Variants in NKAIN3 observed in about 807,000 individuals in gnomAD.
NKAIN3 encodes sodium/potassium-transporting ATPase subunit beta-1-interacting protein 3.
Under a neutral mutation model 30.2 loss-of-function variants are expected in NKAIN3, and 25 were observed. The ratio of observed to expected loss-of-function variants is 0.83; its 90% CI spans 0.60 to 1.16. The LOEUF (loss-of-function observed/expected upper bound fraction) is 1.16. NKAIN3 is among the 50% of genes most tolerant of loss of function. The pLI is 0.00. For synonymous variants in NKAIN3, 91 were observed against 89.6 expected, an observed-to-expected ratio of 1.02 and a Z score of -0.09; for missense variants, 225 against 254.1, an observed-to-expected ratio of 0.89 and a Z score of 0.78.
chr8:62,855,727 C>A, intron 4 of NKAIN3: 2 of 1,515,722 alleles, frequency 1.3e-6, no homozygotes, highest in Non-Finnish European at 1.8e-6. Flanking sequence ...CGATAGCCTT[C>A]ATCTTGTCCA....
In NKAIN3 at chr8:62,910,034, T is replaced by G. The variant is rs533985230; in HGVS notation, c.472-8419T>G. Among the ~76,000 whole-genome samples the G allele has an allele frequency of 6.6e-5, 10 of 152,260 alleles. No individual in the cohort carries two copies. In the South Asian group the frequency reaches 2.1e-3, roughly 32 times the overall value. On this transcript the variant is annotated intron_variant, in intron 4 of 6. Transcript: ENST00000623646. Reference sequence around the variant, plus strand: ...TCTTTTAAAACTGTGCATTCCTACATTTATCAGTAAGAAAATATTCACTGG... The same window carrying G: ...TCTTTTAAAACTGTGCATTCCTACAGTTATCAGTAAGAAAATATTCACTGG...
chr8:62,826,219 G>C (rs1282644888), intron 4 of NKAIN3, among the ~76,000 whole-genome samples: 1 of 152,112 alleles, frequency 6.6e-6, no homozygotes, highest in Non-Finnish European at 1.5e-5. Context: ...AAGGCAATTT[G>C]AGCCATAAAG....
intron 1 of NKAIN3, among the ~76,000 whole-genome samples, chr8:62,496,109 T>A (rs1807228926): frequency 6.6e-6 from 1 of 152,060 alleles, no homozygotes; most frequent in Admixed American, 6.6e-5. Context: ...ATTTAACATC[T>A]TTTAATGATG....
downstream of NKAIN3, among the ~76,000 whole-genome samples, chr8:62,986,425 C>G (rs1327737089): frequency 6.6e-6 from 1 of 152,192 alleles, no homozygotes; most frequent in East Asian, 1.9e-4. Context: ...TATCACTGGA[C>G]TGCCCCATAT....
At chr8:62,402,008 C>T (rs1803890441) in intron 1 of NKAIN3, among the ~76,000 whole-genome samples, 1 of 152,206 alleles carries the variant, frequency 6.6e-6, no homozygotes, top group East Asian at 1.9e-4. Flanking sequence ...TTCAGGGCTT[C>T]AAGTGTCCCC....
Position 62,570,516 on chromosome 8 carries a change from G to A in NKAIN3, c.55-9023G>A, listed in dbSNP as rs113155117. 8.6e-3 allele frequency among the ~76,000 whole-genome samples: 1,305 copies of A among 152,226 alleles called. 16 individuals are homozygous for A. Among genetic ancestry groups the A allele is most frequent in the African/African-American group, 0.03 (1,235 of 41,538 alleles). The stretch of plus-strand genomic sequence containing the variant: ...TGAAGGTGAAAGGCACATCTCGCAT[G>A]GCAGCAGACAAGAGAAGAGAGCTTG... On this transcript the variant is annotated intron_variant, in intron 1 of 6. Transcript: ENST00000623646.
At chr8:62,592,025 A>G (rs572989101) in intron 3 of NKAIN3, among the ~76,000 whole-genome samples, 17 of 152,014 alleles carry the variant, frequency 1.1e-4, no homozygotes, top group Admixed American at 6.6e-5. Context: ...TGGATAGATT[A>G]ATAGAAACCT....
At chr8:62,727,849 G>GT (rs1434339219) in intron 3 of NKAIN3, among the ~76,000 whole-genome samples, 2 of 151,904 alleles carry the variant, frequency 1.3e-5, no homozygotes, top group Non-Finnish European at 2.9e-5. Flanking sequence ...TTCTTTCTTT[G>GT]TTTTTTACTT....
At chr8:62,827,414 T>C in intron 4 of NKAIN3, among the ~76,000 whole-genome samples, 1 of 152,212 alleles carries the variant, frequency 6.6e-6, no homozygotes, top group Non-Finnish European at 1.5e-5. Context: ...CTTGATTTGC[T>C]CTCATAATGT....
intron 3 of NKAIN3, among the ~76,000 whole-genome samples, chr8:62,658,931 A>T (rs1330683881): frequency 6.6e-6 from 1 of 152,080 alleles, no homozygotes; most frequent in Non-Finnish European, 1.5e-5. Flanking sequence ...TAAGGCCCTT[A>T]AAAATGCAGC....
intron 4 of NKAIN3, among the ~76,000 whole-genome samples, chr8:62,753,212 A>ACG (rs1259117101): frequency 6.7e-6 from 1 of 148,782 alleles, no homozygotes; most frequent in Non-Finnish European, 1.5e-5. Flanking sequence ...GAGGATGCAC[A>ACG]CACACACACA....
intron 4 of NKAIN3, among the ~76,000 whole-genome samples, chr8:62,882,088 A>G (rs1476493252): frequency 6.6e-6 from 1 of 152,078 alleles, no homozygotes; most frequent in Non-Finnish European, 1.5e-5. Flanking sequence ...CCATTTTTTA[A>G]TAGAGTTATT....
At chr8:62,274,374 G>C (rs1263310567) in intron 1 of NKAIN3, among the ~76,000 whole-genome samples, 1 of 152,094 alleles carries the variant, frequency 6.6e-6, no homozygotes, top group Non-Finnish European at 1.5e-5. Flanking sequence ...TGTAGTCTAT[G>C]ATCTGTGATT....
intron 4 of NKAIN3, among the ~76,000 whole-genome samples, chr8:62,754,597 A>G (rs141013455): frequency 5.8e-4 from 89 of 152,296 alleles, no homozygotes; most frequent in Middle Eastern, 3.4e-3. Flanking sequence ...GGTTGTCACC[A>G]TGGTCGGAGC....
intron 4 of NKAIN3, among the ~76,000 whole-genome samples, chr8:62,902,767 G>T (rs769586612): frequency 3.4e-4 from 51 of 152,092 alleles, no homozygotes; most frequent in Non-Finnish European, 6.3e-4. Flanking sequence ...TATCAAACTA[G>T]CCACATAATA....
intron 3 of NKAIN3, among the ~76,000 whole-genome samples, chr8:62,638,025 G>A (rs1325817822): frequency 6.6e-6 from 1 of 152,128 alleles, no homozygotes; most frequent in Middle Eastern, 3.2e-3. Flanking sequence ...CTGTGGAACA[G>A]CTCACAGTGT....
chr8:62,642,020 T>C (rs971035919), intron 3 of NKAIN3, among the ~76,000 whole-genome samples: 4 of 152,022 alleles, frequency 2.6e-5, no homozygotes, highest in Non-Finnish European at 2.9e-5. Flanking sequence ...CCAAGAGATA[T>C]ATGGATGAAA....
intron 4 of NKAIN3, among the ~76,000 whole-genome samples, chr8:62,809,226 C>G (rs535811356): frequency 9.2e-5 from 14 of 152,222 alleles, no homozygotes; most frequent in African/African-American, 3.4e-4. Flanking sequence ...AACACACATG[C>G]TTTACAAACA....
intron 4 of NKAIN3, among the ~76,000 whole-genome samples, chr8:62,778,711 C>T (rs1038066675): frequency 6.6e-6 from 1 of 151,894 alleles, no homozygotes; most frequent in African/African-American, 2.4e-5. Flanking sequence ...CCACTGTGGC[C>T]GAGCTGGTAT....
Sources: allele counts gnomAD v4.1 joint callset (sites outside exome capture counted in the v4.1 genomes callset), GRCh38; gene constraint gnomAD v4.1.1; transcripts MANE v1.5; gene names NCBI Gene and HGNC (gene_info 2026-07-23, HGNC 2026-07-21).